The following RORA variants were observed in gnomAD, a reference collection of about 807,000 sequenced individuals.
The protein encoded by RORA is nuclear receptor ROR-alpha.
A neutral mutation model predicts 69.5 loss-of-function variants in RORA; 7 were observed. The ratio of observed to expected loss-of-function variants is 0.10; its 90% CI spans 0.06 to 0.19. RORA has a LOEUF of 0.19. RORA is among the 10% of genes least tolerant of loss of function. RORA has a pLI of 1.00. For synonymous variants in RORA, 261 were observed against 240.8 expected, an observed-to-expected ratio of 1.08 and a Z score of -0.78; for missense variants, 457 against 663.0, an observed-to-expected ratio of 0.69 and a Z score of 3.41.
chr15:60,785,206 T>C (rs2072318474), intron 1 of RORA, among the ~76,000 whole-genome samples: 1 of 152,240 alleles, frequency 6.6e-6, no homozygotes, highest in Non-Finnish European at 1.5e-5. Flanking sequence ...AGTTTCAGTG[T>C]CTGGTTTCAT....
At chr15:60,971,891 T>C (rs546517372) in intron 1 of RORA, among the ~76,000 whole-genome samples, 17 of 152,088 alleles carry the variant, frequency 1.1e-4, no homozygotes, top group African/African-American at 3.9e-4. Context: ...CTCCCACCAT[T>C]GGGCTGTCTG....
intron 1 of RORA, among the ~76,000 whole-genome samples, chr15:61,033,081 T>C (rs991785903): frequency 1.3e-5 from 2 of 152,206 alleles, no homozygotes; most frequent in East Asian, 3.8e-4. Flanking sequence ...GTCACCCAGC[T>C]GTTCAAACCA....
At chr15:60,559,138 G>A (rs1305357296) in intron 2 of RORA, among the ~76,000 whole-genome samples, 1 of 151,808 alleles carries the variant, frequency 6.6e-6, no homozygotes, top group African/African-American at 2.4e-5. Context: ...GAAATAAAGA[G>A]TATTTTACTC....
chr15:60,812,051 C>T (rs895558123), intron 1 of RORA, among the ~76,000 whole-genome samples: 3 of 152,126 alleles, frequency 2.0e-5, no homozygotes, highest in Non-Finnish European at 2.9e-5. Flanking sequence ...GGAAGCATCA[C>T]GTGTTTATAA....
intron 1 of RORA, among the ~76,000 whole-genome samples, chr15:61,078,224 T>C (rs1050465285): frequency 1.1e-4 from 16 of 152,198 alleles, no homozygotes; most frequent in African/African-American, 3.9e-4. Flanking sequence ...AGTGCAGTGG[T>C]GCAATCTCGG....
chr15:60,889,549 G>C (rs753845691), intron 1 of RORA, among the ~76,000 whole-genome samples: 2 of 152,260 alleles, frequency 1.3e-5, no homozygotes. Context: ...AGGCTGAACA[G>C]TTGGGGAGAG....
intron 1 of RORA, among the ~76,000 whole-genome samples, chr15:60,717,588 G>A (rs1385224901): frequency 6.6e-6 from 1 of 152,024 alleles, no homozygotes; most frequent in African/African-American, 2.4e-5. Context: ...TTTGTCTTCT[G>A]TCATCACTCC....
At chr15:60,599,382 CT>C (rs777084100) in intron 2 of RORA, among the ~76,000 whole-genome samples, 12 of 152,170 alleles carry the variant, frequency 7.9e-5, no homozygotes, top group Non-Finnish European at 1.2e-4. Context: ...GAAACCCCAT[CT>C]CTACTAAAAA....
intron 1 of RORA, among the ~76,000 whole-genome samples, chr15:61,017,869 T>C (rs1258567911): frequency 6.6e-6 from 1 of 152,140 alleles, no homozygotes; most frequent in Non-Finnish European, 1.5e-5. Flanking sequence ...CCTTATGAAC[T>C]CCAGGTCCAC....
rs181551171 is a variant in RORA, at chr15:61,031,250, T to C, written c.166+197803A>G. ...ATTTTGTGAAACAATGGGATACTTATGAAAGTGTAATTTATATTTATTTTC... is the reference window on the plus strand; with the variant it reads ...ATTTTGTGAAACAATGGGATACTTACGAAAGTGTAATTTATATTTATTTTC... On this transcript the variant is annotated intron_variant, in intron 1 of 10. Coordinates refer to ENST00000335670, the MANE Select transcript of RORA (RefSeq NM_134261.3). Among the ~76,000 whole-genome samples, 9 of 152,338 alleles carry C rather than the reference T, an allele frequency of 5.9e-5. No homozygotes were observed. The East Asian group carries it at 1.5e-3, about 26-fold the overall frequency.
At chr15:61,116,180 G>C (rs561172003) in intron 1 of RORA, among the ~76,000 whole-genome samples, 3 of 152,178 alleles carry the variant, frequency 2.0e-5, no homozygotes, top group Non-Finnish European at 4.4e-5. Flanking sequence ...TATGAAAATG[G>C]AGTAATCATT....
intron 1 of RORA, among the ~76,000 whole-genome samples, chr15:60,872,225 A>G (rs1352075093): frequency 6.6e-6 from 1 of 152,170 alleles, no homozygotes; most frequent in Non-Finnish European, 1.5e-5. Flanking sequence ...TAGAATGAAT[A>G]CCTACATCTG....
intron 1 of RORA, among the ~76,000 whole-genome samples, chr15:61,101,185 A>C (rs1429888640): frequency 6.6e-6 from 1 of 152,238 alleles, no homozygotes; most frequent in Non-Finnish European, 1.5e-5. Context: ...AACATTTAAA[A>C]TATACGGAAG....
At chr15:61,122,946 G>C (rs1182023600) in intron 1 of RORA, among the ~76,000 whole-genome samples, 1 of 152,100 alleles carries the variant, frequency 6.6e-6, no homozygotes, top group African/African-American at 2.4e-5. Context: ...AGGATGTTTG[G>C]GCACAGGCAA....
At chr15:60,800,437 C>T (rs1158689391) in intron 1 of RORA, among the ~76,000 whole-genome samples, 1 of 152,168 alleles carries the variant, frequency 6.6e-6, no homozygotes, top group African/African-American at 2.4e-5. Flanking sequence ...TTGGTAACAG[C>T]GTCTCTGACT....
rs1280825141 is a variant in RORA, at chr15:60,542,559, TCA to T, written c.197-10710_197-10709del. Among the ~76,000 whole-genome samples, 24 of 93,698 alleles carry T rather than the reference TCA, an allele frequency of 2.6e-4. 1 individual carries two copies. Among genetic ancestry groups the T allele is most frequent in the South Asian group, 1.8e-3 (6 of 3,368 alleles). The allele number at this position is 93,698 out of a possible 152,430, so 61.5% of individuals were successfully genotyped here. A position where few individuals can be genotyped will look rare whatever the true frequency, so the allele number is the denominator to read the frequency against. On this transcript the variant is annotated intron_variant, in intron 2 of 10. Transcript: ENST00000335670. ...CACACAGATGGCACACATGCACACCTCACACACACGGCACGCATGCACACCTC... is the reference window on the plus strand; with the variant it reads ...CACACAGATGGCACACATGCACACCTCACACACGGCACGCATGCACACCTC...
In RORA at chr15:61,053,132, G is replaced by A. The variant is rs189333994; in HGVS notation, c.166+175921C>T. Among the ~76,000 whole-genome samples, 13 of 152,282 alleles carry A rather than the reference G, an allele frequency of 8.5e-5. No individual in the cohort carries two copies. The East Asian group carries it at 1.2e-3, about 14-fold the overall frequency. ...GGAAGAGATAAAACCAGACCTGATC[G>A]GAGCTACTCAATCACTTGGTCCTGA... On this transcript the variant is annotated intron_variant, in intron 1 of 10. Coordinates refer to ENST00000335670, the MANE Select transcript of RORA (RefSeq NM_134261.3).
At chr15:60,644,696 T>G (rs1469372555) in intron 2 of RORA, among the ~76,000 whole-genome samples, 1 of 152,220 alleles carries the variant, frequency 6.6e-6, no homozygotes, top group African/African-American at 2.4e-5. Flanking sequence ...CCATGCCTCC[T>G]TCTCTCTCTT....
chr15:60,560,623 C>T (rs1362409606), intron 2 of RORA, among the ~76,000 whole-genome samples: 1 of 152,218 alleles, frequency 6.6e-6, no homozygotes, highest in African/African-American at 2.4e-5. Context: ...TGGGAGGGAT[C>T]ACTTGAGCCT....
Sources: allele counts gnomAD v4.1 joint callset (sites outside exome capture counted in the v4.1 genomes callset), GRCh38; gene constraint gnomAD v4.1.1; transcripts MANE v1.5; gene names NCBI Gene and HGNC (gene_info 2026-07-23, HGNC 2026-07-21).